Variants in TSPAN1 observed in about 807,000 individuals in gnomAD.
TSPAN1 encodes tetraspanin 1.
In TSPAN1, 23 loss-of-function variants were observed where a neutral mutation model predicts 26.9. That is an observed-to-expected ratio of 0.85 (90% CI 0.62 to 1.21). TSPAN1 has a LOEUF of 1.21. Among genes scored for constraint, TSPAN1 ranks in the 50% most tolerant of loss-of-function variants. The pLI, the probability that TSPAN1 is intolerant of heterozygous loss-of-function variation, is 0.00. For missense variants in TSPAN1, 283 were observed against 298.4 expected, an observed-to-expected ratio of 0.95 and a Z score of 0.38; for synonymous variants, 115 against 114.8, an observed-to-expected ratio of 1.00 and a Z score of -0.01.
the TSPAN1 span, chr1:46,191,136 G>T: frequency 1.2e-3 from 416 of 351,768 alleles, 6 homozygotes; most frequent in Admixed American, 0.013. Flanking sequence ...GCAAAGGGAC[G>T]GGCTGGGCTG....
At chr1:46,190,893 A>G, downstream of TSPAN1, 1 of 1,029,816 alleles carries the variant, frequency 9.7e-7, no homozygotes, top group South Asian at 1.3e-5. Context: ...CTAGACCTGT[A>G]AAGAGCCCTC....
At position 46,185,226 on chromosome 1, in the gene TSPAN1, G is replaced by C; in HGVS notation, c.596G>C (p.Gly199Ala). Residue 199 changes from glycine to alanine, a missense_variant and splice_region_variant, in exon 8 of 9, where the codon GGT (glycine) becomes GCT (alanine). By Grantham distance (60) the Gly-to-Ala change is moderately conservative. Transcript: ENST00000372003. ...KQKAHDQKVE[G>A]CFNQLLYDIR... ...AAATGCTCTTTTCTCTTCCTGAAGG[G>C]TTGCTTCAATCAGCTTTTGTATGAC... The C allele has an allele frequency of 6.2e-7, 1 of 1,614,164 alleles. No homozygotes were observed. Among genetic ancestry groups the C allele is most frequent in the Non-Finnish European group, 8.5e-7 (1 of 1,180,036 alleles).
At chr1:46,178,973 CCT>C (rs1175775753) in intron 1 of TSPAN1, among the ~76,000 whole-genome samples, 1 of 151,876 alleles carries the variant, frequency 6.6e-6, no homozygotes, top group African/African-American at 2.4e-5. Context: ...ACTATTAGCC[CCT>C]CTCTCTTCTG....
chr1:46,183,817 GT>G (rs761555988), intron 3 of TSPAN1: 4 of 204,362 alleles, frequency 2.0e-5, no homozygotes, highest in Non-Finnish European at 2.7e-5. Context: ...GAGGACAGAG[GT>G]GTTCTAGGCA....
downstream of TSPAN1, among the ~76,000 whole-genome samples, chr1:46,186,813 C>A (rs1361987848): frequency 6.6e-6 from 1 of 151,948 alleles, no homozygotes; most frequent in Non-Finnish European, 1.5e-5. Flanking sequence ...CAGGCGCCCG[C>A]CACCTCGCCC....
chr1:46,189,827 T>TC, downstream of TSPAN1: 1 of 1,613,232 alleles, frequency 6.2e-7, no homozygotes, highest in Non-Finnish European at 8.5e-7. Flanking sequence ...GGAGGGGTTC[T>TC]CCAGGGTGGG....
chr1:46,190,079 T>A, downstream of TSPAN1: 1 of 1,428,062 alleles, frequency 7.0e-7, no homozygotes, highest in Non-Finnish European at 9.5e-7. Flanking sequence ...AATGCTCTGC[T>A]GTTGCCACCT....
chr1:46,175,901 C>G, intron 1 of TSPAN1: 1 of 417,476 alleles, frequency 2.4e-6, no homozygotes. Context: ...GAGACAGAGT[C>G]TAGCTCTGTC....
the TSPAN1 span, chr1:46,192,702 C>G: frequency 6.3e-7 from 1 of 1,599,276 alleles, no homozygotes; most frequent in Admixed American, 1.7e-5. Context: ...CCTGGAGTAC[C>G]TCCTTCCCCC....
rs1475011447 is a variant in TSPAN1, at chr1:46,185,010, C to G, written c.489C>G (p.Tyr163Ter). ...ATACGGATTTTGAGGACTCACCCTA[C>G]TTCAAAGAGAACAGTGCCTTTCCCC... ...TNYTDFEDSP[Y>*]FKENSAFPPF... Residue 163 changes from tyrosine (Y) to a stop codon, truncating the protein, a stop_gained, in exon 7 of 9, where the codon TAC becomes TAG. Coordinates refer to ENST00000372003, the MANE Select transcript of TSPAN1 (RefSeq NM_005727.4). LOFTEE classifies it high-confidence loss of function. The G allele has an allele frequency of 7.4e-6, 12 of 1,614,082 alleles. No individual in the cohort carries two copies. Among genetic ancestry groups the G allele is most frequent in the Non-Finnish European group, 9.3e-6 (11 of 1,180,054 alleles).
At chr1:46,192,704 C>G in the TSPAN1 span, 1,209 of 1,599,580 alleles carry the variant, frequency 7.6e-4, 2 homozygotes, top group Non-Finnish European at 9.4e-4. Flanking sequence ...TGGAGTACCT[C>G]CTTCCCCCAA....
chr1:46,177,986 G>A (rs549237615), intron 1 of TSPAN1, among the ~76,000 whole-genome samples: 11 of 152,312 alleles, frequency 7.2e-5, no homozygotes, highest in Admixed American at 2.6e-4. Flanking sequence ...CTCAGGAAAT[G>A]TTCACTGACA....
At chr1:46,182,090 C>T (rs1348758911) in intron 3 of TSPAN1, among the ~76,000 whole-genome samples, 1 of 151,548 alleles carries the variant, frequency 6.6e-6, no homozygotes, top group African/African-American at 2.4e-5. Context: ...GCCCATATCT[C>T]TGGCATGAGC....
At chr1:46,192,751 C>T in the TSPAN1 span, 5 of 1,582,188 alleles carry the variant, frequency 3.2e-6, no homozygotes, top group East Asian at 2.2e-5. Flanking sequence ...GTACCTTCAA[C>T]AGCAGCCCCA....
rs761018683 is a variant in TSPAN1, at chr1:46,184,941, AC to A, written c.439-16del. ...GAGAAAGAAGCAAGGCCCCACCTCCACCCTCATCTTGTCTCCAGCTCAAGTG... is the reference window on the plus strand; with the variant it reads ...GAGAAAGAAGCAAGGCCCCACCTCCACCTCATCTTGTCTCCAGCTCAAGTG... On this transcript the variant is annotated intron_variant, in intron 6 of 8. Transcript: ENST00000372003. 1.9e-6 allele frequency: 3 copies of A among 1,614,124 alleles called. No homozygotes were observed. In the African/African-American group the frequency reaches 4.0e-5, roughly 22 times the overall value.
chr1:46,176,312 C>T, intron 1 of TSPAN1: 19 of 1,535,794 alleles, frequency 1.2e-5, no homozygotes, highest in Non-Finnish European at 1.6e-5. Flanking sequence ...TTGATGGCTG[C>T]ACTGCTGGCA....
At chr1:46,180,013 GAT>G (rs1304469145) in intron 1 of TSPAN1, among the ~76,000 whole-genome samples, 1 of 151,612 alleles carries the variant, frequency 6.6e-6, no homozygotes, top group African/African-American at 2.4e-5. Flanking sequence ...GAGTGAAAGA[GAT>G]ACTTAAGTAC....
At chr1:46,176,028 A>T (rs965535573) in intron 1 of TSPAN1, among the ~76,000 whole-genome samples, 30 of 151,988 alleles carry the variant, frequency 2.0e-4, no homozygotes, top group African/African-American at 5.8e-4. Flanking sequence ...GTGTGCCACC[A>T]CGCCCGGCTA....
chr1:46,192,825 G>A, the TSPAN1 span: 1 of 1,600,130 alleles, frequency 6.2e-7, no homozygotes, highest in Non-Finnish European at 8.6e-7. Context: ...CCTCCAGAAA[G>A]CTCTCTAGGA....
Sources: allele counts gnomAD v4.1 joint callset (sites outside exome capture counted in the v4.1 genomes callset), GRCh38; gene constraint gnomAD v4.1.1; transcripts MANE v1.5; gene names NCBI Gene and HGNC (gene_info 2026-07-23, HGNC 2026-07-21).